SHOC1: variants seen among roughly 807,000 people sequenced by gnomAD.
SHOC1 encodes shortage in chiasmata 1, also known as protein shortage in chiasmata 1 ortholog.
Under a neutral mutation model 179.2 loss-of-function variants are expected in SHOC1, and 136 were observed. The ratio of observed to expected loss-of-function variants is 0.76; its 90% confidence interval spans 0.66 to 0.87. SHOC1 has a LOEUF of 0.87. Ranked by LOEUF, SHOC1 falls within the 40% of genes least tolerant of loss-of-function variation. The pLI is 0.00. For missense variants in SHOC1, 1,538 were observed against 1,700.8 expected, an observed-to-expected ratio of 0.90 and a Z score of 1.68; for synonymous variants, 489 against 586.6, an observed-to-expected ratio of 0.83 and a Z score of 2.41.
chr9:111,779,673 G>A (rs1589473075), intron 4 of SHOC1, among the ~76,000 whole-genome samples: 1 of 151,946 alleles, frequency 6.6e-6, no homozygotes, highest in Admixed American at 6.6e-5. Context: ...AGATCGTCTC[G>A]CATCTTGTTA....
intron 4 of SHOC1, 145 bp downstream of exon 4, chr9:111,780,785 T>C (rs1243903454): frequency 1.9e-6 from 1 of 528,638 alleles, no homozygotes; most frequent in Non-Finnish European, 3.3e-6. Context: ...TCCTTTGTGG[T>C]TCAAATTAGG....
chr9:111,699,948 G>T lies in SHOC1; in HGVS notation c.3183+6C>A. On this transcript the variant is annotated splice_donor_region_variant and intron_variant, in intron 24 of 27. Coordinates refer to ENST00000682961, the MANE Select transcript of SHOC1 (RefSeq NM_001378211.1). ...ACTTATGAAGAAACACATAGGAAAA[G>T]AATACCTTTACATCCAGTTCTTCAG... 1 of 1,577,896 alleles carries T rather than the reference G, an allele frequency of 6.3e-7. No individual in the cohort carries two copies. Among genetic ancestry groups the T allele is most frequent in the Non-Finnish European group, 8.7e-7 (1 of 1,155,732 alleles).
At chr9:111,762,612 T>C (rs765390769) in intron 5 of SHOC1, among the ~76,000 whole-genome samples, 5 of 152,184 alleles carry the variant, frequency 3.3e-5, no homozygotes, top group Non-Finnish European at 5.9e-5. Context: ...ACATTCTATA[T>C]ATTTAAGATG....
chr9:111,749,891 A>G (rs1208791117), intron 8 of SHOC1, among the ~76,000 whole-genome samples: 1 of 152,192 alleles, frequency 6.6e-6, no homozygotes, highest in Non-Finnish European at 1.5e-5. Flanking sequence ...TCCATGGTGT[A>G]TATGTACCAC....
At chr9:111,754,755 G>A (rs1280796831) in intron 8 of SHOC1, among the ~76,000 whole-genome samples, 1 of 152,158 alleles carries the variant, frequency 6.6e-6, no homozygotes, top group Non-Finnish European at 1.5e-5. Flanking sequence ...CCATACAATG[G>A]AATATTGTTT....
chr9:111,723,630 G>C (rs12344677), intron 14 of SHOC1, among the ~76,000 whole-genome samples, 162 bp downstream of exon 14: 8,328 of 152,118 alleles, frequency 0.055, 561 homozygotes, highest in African/African-American at 0.16. Flanking sequence ...TAGTGAACAG[G>C]GCATTCCAGA....
At chr9:111,709,537 G>A (rs10981029) in intron 18 of SHOC1, among the ~76,000 whole-genome samples, 29,411 of 151,892 alleles carry the variant, frequency 0.19, 2,998 homozygotes, top group Non-Finnish European at 0.22. Flanking sequence ...GATAATTGCC[G>A]TTCTGAAAAA....
At chr9:111,781,746 A>AAATAAATG (rs1554724128) in intron 3 of SHOC1, among the ~76,000 whole-genome samples, 5 of 103,770 alleles carry the variant, frequency 4.8e-5, no homozygotes, top group Admixed American at 1.7e-4. Flanking sequence ...ATAAATAAAT[A>AAATAAATG]AATAAATTTG....
chr9:111,738,117 T>C, intron 12 of SHOC1, 163 bp downstream of exon 12: 1 of 500,964 alleles, frequency 2.0e-6, no homozygotes. Flanking sequence ...TTCAAGAAAA[T>C]GGGACCTAGA....
intron 8 of SHOC1, 69 bp downstream of exon 8, chr9:111,756,256 A>T: frequency 7.7e-7 from 1 of 1,302,164 alleles, no homozygotes; most frequent in Non-Finnish European, 1.0e-6. Flanking sequence ...ATTTTAATAA[A>T]CAAGAACCTA....
intron 15 of SHOC1, among the ~76,000 whole-genome samples, chr9:111,721,020 T>C (rs1833021188): frequency 6.6e-6 from 1 of 152,218 alleles, no homozygotes; most frequent in African/African-American, 2.4e-5. Flanking sequence ...CTTGTATTCA[T>C]ATCAATCCTC....
In SHOC1 at chr9:111,722,412, G is replaced by C; in HGVS notation, c.2128C>G (p.Gln710Glu). 2 of 1,589,346 alleles carry C rather than the reference G, an allele frequency of 1.3e-6. No individual in the cohort carries two copies. The highest frequency in any genetic ancestry group is 1.7e-6 in the Non-Finnish European group (2 of 1,173,856). Residue 710 changes from glutamine (Q) to glutamate (E), a missense_variant, in exon 15 of 28, where the codon CAA becomes GAA. Coordinates refer to ENST00000682961, the MANE Select transcript of SHOC1 (RefSeq NM_001378211.1). ...QEKVVSDAVR[Q>E]GTIDEREMTF... The stretch of plus-strand genomic sequence containing the variant: ...CGTGACTTTTATTTGTACTCACCTT[G>C]GCGAACAGCATCACTTACTACTTTT...
intron 14 of SHOC1, among the ~76,000 whole-genome samples, 158 bp downstream of exon 14, chr9:111,723,634 T>C (rs1833168539): frequency 6.6e-6 from 1 of 152,124 alleles, no homozygotes; most frequent in Non-Finnish European, 1.5e-5. Flanking sequence ...GAACAGGGCA[T>C]TCCAGATTGG....
Position 111,692,579 on chromosome 9 carries a change from G to A in SHOC1, c.3466-68C>T. 1.7e-6 allele frequency: 2 copies of A among 1,163,122 alleles called. 1 individual carries two copies. Among genetic ancestry groups the A allele is most frequent in the South Asian group, 3.4e-5 (2 of 59,446 alleles). The allele number at this position is 1,163,122 out of a possible 1,614,324, so 72.1% of individuals were successfully genotyped here. A position where few individuals can be genotyped will look rare whatever the true frequency, so the allele number is the denominator to read the frequency against. On this transcript the variant is annotated intron_variant, in intron 26 of 27. Coordinates refer to ENST00000682961, the MANE Select transcript of SHOC1 (RefSeq NM_001378211.1). ...TATAAATAATGATGCTTATCTATATGGAAAGAAGGCAAAATATAAATAGGT... is the reference window on the plus strand; with the variant it reads ...TATAAATAATGATGCTTATCTATATAGAAAGAAGGCAAAATATAAATAGGT...
intron 22 of SHOC1, 81 bp from the exon 23 acceptor site, chr9:111,702,307 C>T (rs1379501602): frequency 1.1e-6 from 1 of 944,844 alleles, no homozygotes; most frequent in Non-Finnish European, 1.6e-6. Flanking sequence ...TTTCAAGAAT[C>T]TATGACATAT....
intron 3 of SHOC1, among the ~76,000 whole-genome samples, chr9:111,785,028 C>T (rs1175810876): frequency 3.3e-5 from 5 of 152,134 alleles, no homozygotes; most frequent in Non-Finnish European, 5.9e-5. Flanking sequence ...AAGCCTTATT[C>T]GGAAATTGCC....
At chr9:111,745,515 G>A (rs1247674936) in intron 10 of SHOC1, among the ~76,000 whole-genome samples, 1 of 152,162 alleles carries the variant, frequency 6.6e-6, no homozygotes, top group African/African-American at 2.4e-5. Context: ...AGGTAATTAA[G>A]TTAAACAGGG....
chr9:111,776,193 T>G (rs1835826182), intron 4 of SHOC1, among the ~76,000 whole-genome samples: 1 of 128,038 alleles, frequency 7.8e-6, no homozygotes, highest in Non-Finnish European at 1.6e-5. Context: ...AACAGTATTC[T>G]ATAACCTGTT....
chr9:111,782,755 C>G (rs2131637783), intron 3 of SHOC1, among the ~76,000 whole-genome samples: 2 of 152,150 alleles, frequency 1.3e-5, no homozygotes, highest in Admixed American at 1.3e-4. Context: ...AAAAACAAAA[C>G]TGGCTTTCTT....
Sources: allele counts gnomAD v4.1 joint callset (sites outside exome capture counted in the v4.1 genomes callset), GRCh38; gene constraint gnomAD v4.1.1; transcripts MANE v1.5; gene names NCBI Gene and HGNC (gene_info 2026-07-23, HGNC 2026-07-21).